Variants in ADAM10 observed in about 807,000 individuals in gnomAD.
ADAM10 encodes disintegrin and metalloproteinase domain-containing protein 10.
A neutral mutation model predicts 90.1 loss-of-function variants in ADAM10; 17 were observed. That is an observed-to-expected ratio of 0.19 (90% CI 0.13 to 0.28). The LOEUF is 0.28. Among genes scored for constraint, ADAM10 ranks in the 10% least tolerant of loss-of-function variants. ADAM10 has a pLI of 1.00. For synonymous variants in ADAM10, 310 were observed against 298.6 expected, an observed-to-expected ratio of 1.04 and a Z score of -0.40; for missense variants, 610 against 914.3, an observed-to-expected ratio of 0.67 and a Z score of 4.29.
At chr15:58,691,703 AG>A (rs1897810635) in intron 2 of ADAM10, 2 of 247,542 alleles carry the variant, frequency 8.1e-6, no homozygotes, top group African/African-American at 7.0e-5. Context: ...TTTTTTTTTG[AG>A]ACAGAGCCTT....
At chr15:58,664,804 C>A (rs1897042486) in intron 5 of ADAM10, among the ~76,000 whole-genome samples, 1 of 151,974 alleles carries the variant, frequency 6.6e-6, no homozygotes, top group South Asian at 2.1e-4. Flanking sequence ...AATTTTAATG[C>A]TAATAAAAAT....
chr15:58,611,311 G>C, intron 12 of ADAM10: 1 of 553,212 alleles, frequency 1.8e-6, no homozygotes. Context: ...AAGAAAGATA[G>C]TAAATCTTTT....
At chr15:58,714,302 C>CAG (rs1384386638) in intron 2 of ADAM10, among the ~76,000 whole-genome samples, 2 of 151,336 alleles carry the variant, frequency 1.3e-5, no homozygotes, top group Non-Finnish European at 3.0e-5. Context: ...TACACACACA[C>CAG]ACACACACAC....
At chr15:58,691,574 G>A (rs1374663234) in intron 2 of ADAM10, 3 of 504,396 alleles carry the variant, frequency 5.9e-6, no homozygotes, top group Non-Finnish European at 1.2e-5. Context: ...AGTCCTCATG[G>A]ATTCCAAGCC....
At chr15:58,710,615 A>G (rs917072319) in intron 2 of ADAM10, among the ~76,000 whole-genome samples, 2 of 152,218 alleles carry the variant, frequency 1.3e-5, no homozygotes, top group African/African-American at 2.4e-5. Flanking sequence ...TAACTAACGT[A>G]TGTTGCACTA....
chr15:58,638,614 CAAAAAAA>C (rs60048171), intron 8 of ADAM10, among the ~76,000 whole-genome samples: 5 of 78,218 alleles, frequency 6.4e-5, no homozygotes, highest in Non-Finnish European at 1.4e-4. Context: ...CACTCTGTCT[CAAAAAAA>C]AAAAAAAAAA....
At chr15:58,643,839 T>C in intron 7 of ADAM10, 47 bp downstream of exon 7, 3 of 1,342,014 alleles carry the variant, frequency 2.2e-6, no homozygotes, top group Non-Finnish European at 3.2e-6. Flanking sequence ...AAACATAGTC[T>C]GGACTGTTTC....
chr15:58,705,990 T>C (rs1323932086), intron 2 of ADAM10, among the ~76,000 whole-genome samples: 2 of 152,224 alleles, frequency 1.3e-5, no homozygotes, highest in Non-Finnish European at 2.9e-5. Context: ...TAGGGTTTAG[T>C]ACCATCCACA....
chr15:58,609,962 T>C, intron 14 of ADAM10: 1 of 286,702 alleles, frequency 3.5e-6, no homozygotes, highest in South Asian at 4.1e-5. Context: ...ATAAGTTGTC[T>C]TGAAAAACAA....
intron 2 of ADAM10, among the ~76,000 whole-genome samples, chr15:58,697,663 C>T (rs1898016422): frequency 6.6e-6 from 1 of 152,114 alleles, no homozygotes; most frequent in African/African-American, 2.4e-5. Context: ...TCAACCATGC[C>T]ACATACGCTG....
At chr15:58,642,520 T>C (rs1426966874) in intron 7 of ADAM10, among the ~76,000 whole-genome samples, 1 of 152,080 alleles carries the variant, frequency 6.6e-6, no homozygotes, top group African/African-American at 2.4e-5. Flanking sequence ...AAATGGATTA[T>C]TAATATAGCT....
At chr15:58,738,661 T>C (rs74017300) in intron 1 of ADAM10, among the ~76,000 whole-genome samples, 7,628 of 152,248 alleles carry the variant, frequency 0.05, 658 homozygotes, top group African/African-American at 0.17. Context: ...TTATAAATTA[T>C]ATACAAAGGG....
chr15:58,736,541 T>G (rs1899436496), intron 1 of ADAM10, among the ~76,000 whole-genome samples: 1 of 152,150 alleles, frequency 6.6e-6, no homozygotes, highest in South Asian at 2.1e-4. Flanking sequence ...ATGTCCTTAC[T>G]TTTATGAAAT....
intron 1 of ADAM10, among the ~76,000 whole-genome samples, chr15:58,742,680 T>C (rs953323306): frequency 2.0e-5 from 3 of 152,192 alleles, no homozygotes; most frequent in Non-Finnish European, 4.4e-5. Flanking sequence ...GTAGGGTTAT[T>C]ATAGTTTTTC....
At chr15:58,696,514 A>G (rs1897984933) in intron 2 of ADAM10, among the ~76,000 whole-genome samples, 2 of 144,956 alleles carry the variant, frequency 1.4e-5, no homozygotes, top group South Asian at 4.3e-4. Context: ...CGCCCAGACT[A>G]GAGTGCAATG....
At chr15:58,627,925 T>C (rs199740363) in intron 9 of ADAM10, 42 bp from the exon 10 acceptor site, 12 of 1,596,056 alleles carry the variant, frequency 7.5e-6, no homozygotes, top group South Asian at 1.1e-5. Context: ...GGAAGTAAAA[T>C]AAGGTTTTCA....
intron 1 of ADAM10, among the ~76,000 whole-genome samples, chr15:58,741,696 G>C (rs1000405798): frequency 1.3e-5 from 2 of 152,134 alleles, no homozygotes; most frequent in African/African-American, 4.8e-5. Context: ...CATTTGCCCA[G>C]TTTTATCAGT....
At chr15:58,691,848 G>A (rs1211534368) in intron 2 of ADAM10, among the ~76,000 whole-genome samples, 1 of 151,780 alleles carries the variant, frequency 6.6e-6, no homozygotes, top group African/African-American at 2.4e-5. Flanking sequence ...GCTAATTTTT[G>A]TATTTTTAGT....
intron 12 of ADAM10, 151 bp downstream of exon 12, chr15:58,611,657 C>T (rs1320221952): frequency 1.4e-6 from 1 of 709,294 alleles, no homozygotes. Context: ...TAATTGAATG[C>T]CACATAATAT....
Sources: gnomAD v4.1 joint callset for allele counts (sites outside exome capture counted in the v4.1 genomes callset) on GRCh38, gnomAD v4.1.1 for gene constraint, MANE v1.5 for transcripts, NCBI Gene and HGNC (gene_info 2026-07-23, HGNC 2026-07-21) for gene names.